The following MTMR10 variants were observed in gnomAD, a reference collection of about 807,000 sequenced individuals.
MTMR10 encodes myotubularin related protein 10.
MTMR10 carries 56 observed loss-of-function variants against 88.1 expected under a neutral mutation model. The observed-to-expected ratio is 0.64, with a 90% CI of 0.51 to 0.79. The LOEUF is 0.79. Ranked by LOEUF, MTMR10 falls within the 30% of genes least tolerant of loss-of-function variation. The pLI is 0.00. For missense variants in MTMR10, 883 were observed against 924.7 expected (o/e 0.95, Z 0.58); for synonymous variants, 380 against 340.9 (o/e 1.11, Z -1.26).
intron 6 of MTMR10, among the ~76,000 whole-genome samples, chr15:30,964,390 A>C (rs993346498): frequency 6.6e-6 from 1 of 152,240 alleles, no homozygotes; most frequent in Admixed American, 6.5e-5. Context: ...GATCTAACTT[A>C]CACAAATTTT....
chr15:30,978,701 A>G (rs1283430269), intron 2 of MTMR10, among the ~76,000 whole-genome samples: 2 of 152,200 alleles, frequency 1.3e-5, no homozygotes, highest in East Asian at 3.8e-4. Flanking sequence ...AAAGAGGTTA[A>G]ATCACTTTCC....
At chr15:30,989,505 T>C (rs967599199) in intron 2 of MTMR10, among the ~76,000 whole-genome samples, 3 of 152,164 alleles carry the variant, frequency 2.0e-5, no homozygotes, top group Non-Finnish European at 2.9e-5. Context: ...AAATTCTAAT[T>C]ATTTTACCGA....
the MTMR10 span, chr15:30,929,126 G>C: frequency 7.7e-7 from 1 of 1,292,886 alleles, no homozygotes. Context: ...TCCAAGTTTT[G>C]TATGTACTGA....
In MTMR10 at chr15:30,991,507, G is replaced by A. The variant is rs2031330415; in HGVS notation, c.-1C>T. 1 of 1,530,004 alleles carries A rather than the reference G, an allele frequency of 6.5e-7. No individual in the cohort carries two copies. The allele number at this position is 1,530,004 out of a possible 1,614,324, so 94.8% of individuals were successfully genotyped here. On this transcript the variant is annotated 5_prime_UTR_variant, in exon 1 of 16. Transcript: ENST00000435680. Reference sequence around the variant, plus strand: ...GTTTGGGCGGCTTGAGGGAGAACATGGTGCCGCCGCCTTTTCGCCCCGTTC... The same window carrying A: ...GTTTGGGCGGCTTGAGGGAGAACATAGTGCCGCCGCCTTTTCGCCCCGTTC...
intron 5 of MTMR10, among the ~76,000 whole-genome samples, chr15:30,972,522 A>G (rs937844691): frequency 2.0e-5 from 3 of 152,150 alleles, no homozygotes; most frequent in Admixed American, 6.5e-5. Flanking sequence ...TGTTTTGTGC[A>G]GACGGTTTAG....
At chr15:30,947,809 T>G (rs2063192611) in intron 13 of MTMR10, among the ~76,000 whole-genome samples, 1 of 152,092 alleles carries the variant, frequency 6.6e-6, no homozygotes. Flanking sequence ...CAAATGGCGC[T>G]CTCTGAAACA....
In MTMR10 at chr15:30,941,229, T is replaced by C. The variant is rs1301118975; in HGVS notation, c.*241A>G. ...AAATGTAGCAGACAACATGAACAGT[T>C]TGATCACGGTTACAAGAGCCAGACC... is the stretch of plus-strand genomic sequence containing the variant. On this transcript the variant is annotated 3_prime_UTR_variant, in exon 16 of 16. Coordinates refer to ENST00000435680, the MANE Select transcript of MTMR10 (RefSeq NM_017762.3). 1 of 1,414,560 alleles carries C rather than the reference T, an allele frequency of 7.1e-7. No individual in the cohort carries two copies. The highest frequency in any genetic ancestry group is 9.3e-7 in the Non-Finnish European group (1 of 1,070,894). 87.6% of individuals were successfully genotyped at this position (1,414,560 alleles called of 1,614,324 possible).
chr15:30,928,364 A>G, the MTMR10 span: 2 of 1,401,540 alleles, frequency 1.4e-6, no homozygotes, highest in East Asian at 2.7e-5. Context: ...CTCTGTATAT[A>G]AACAACATAC....
chr15:30,977,587 T>G (rs1033373942), intron 2 of MTMR10, among the ~76,000 whole-genome samples: 2 of 151,694 alleles, frequency 1.3e-5, no homozygotes, highest in African/African-American at 4.9e-5. Context: ...TACAATTTAT[T>G]TAAAGCTTGG....
the MTMR10 span, among the ~76,000 whole-genome samples, chr15:30,920,159 A>G: frequency 6.6e-6 from 1 of 152,244 alleles, no homozygotes; most frequent in African/African-American, 2.4e-5. Flanking sequence ...ATTTGTGGAC[A>G]TTGAAATTTC....
chr15:30,925,877 C>T, the MTMR10 span: 34 of 1,614,116 alleles, frequency 2.1e-5, no homozygotes, highest in African/African-American at 1.1e-4. Flanking sequence ...GACCCCACCA[C>T]GGTCCTGTGC....
rs2062969388 is a variant in MTMR10 at position 30,939,581 on chromosome 15, CTAT to C, written c.*1886_*1888del. The C allele has an allele frequency of 1.1e-6, 1 of 950,774 alleles. No homozygotes were observed. The highest frequency in any genetic ancestry group is 1.8e-5 in the African/African-American group (1 of 56,544). 58.9% of individuals were successfully genotyped at this position (950,774 alleles called of 1,614,324 possible). On this transcript the variant is annotated 3_prime_UTR_variant, in exon 16 of 16. Transcript: ENST00000435680. ...TTATCATACAAAAATATGCATTTTT[CTAT>C]TTTTAACCATTATTAATAGTACCTA...
chr15:30,967,938 T>TC lies in MTMR10; in HGVS notation c.546dup (p.Lys183GlufsTer11). 6.4e-7 allele frequency: 1 copy of TC among 1,561,348 alleles called. No individual in the cohort carries two copies. Among genetic ancestry groups the TC allele is most frequent in the Non-Finnish European group, 8.7e-7 (1 of 1,151,010 alleles). On this transcript the variant is annotated frameshift_variant, in exon 6 of 16. Transcript: ENST00000435680. LOFTEE classifies it high-confidence loss of function. ...TATTTACCTGAATTGTGGTATTTTT[T>TC]CCCAACATATTCAAATGCAAAGAGT...
At chr15:30,929,590 A>G in the MTMR10 span, among the ~76,000 whole-genome samples, 4 of 131,656 alleles carry the variant, frequency 3.0e-5, no homozygotes, top group Non-Finnish European at 4.7e-5. Context: ...TATATTATAT[A>G]TTATATATTA....
In MTMR10 at chr15:30,963,591, C is replaced by T. The variant is rs770308529; in HGVS notation, c.566-2518G>A. On this transcript the variant is annotated intron_variant, in intron 6 of 15. Transcript: ENST00000435680. ...GGCAGAGCTTGCAGTGAGCCGAGAT[C>T]GTACCAGTGCACTCCAGCCTGAGCG... 1.9e-4 allele frequency among the ~76,000 whole-genome samples: 29 copies of T among 152,122 alleles called. 1 individual carries two copies. The highest frequency in any genetic ancestry group is 1.2e-3 in the South Asian group (6 of 4,832).
intron 9 of MTMR10, among the ~76,000 whole-genome samples, chr15:30,958,237 G>T (rs2063353726): frequency 6.6e-6 from 1 of 152,228 alleles, no homozygotes; most frequent in African/African-American, 2.4e-5. Flanking sequence ...CTTAGAATCT[G>T]TGTAATGTCT....
chr15:30,947,559 A>G (rs1437583939), intron 13 of MTMR10, among the ~76,000 whole-genome samples: 1 of 152,232 alleles, frequency 6.6e-6, no homozygotes, highest in Non-Finnish European at 1.5e-5. Context: ...GCGGGTTGCC[A>G]CTATATGAAG....
the MTMR10 span, among the ~76,000 whole-genome samples, chr15:30,929,631 T>G: frequency 2.2e-4 from 27 of 123,230 alleles, no homozygotes; most frequent in South Asian, 8.7e-4. Context: ...TATTATATAT[T>G]ATACAATATA....
chr15:30,984,779 A>C (rs1228777641), intron 2 of MTMR10, among the ~76,000 whole-genome samples: 1 of 152,162 alleles, frequency 6.6e-6, no homozygotes, highest in Non-Finnish European at 1.5e-5. Flanking sequence ...GCGAACAGGG[A>C]AAGAACTGAG....
Sources: gnomAD v4.1 joint callset for allele counts (sites outside exome capture counted in the v4.1 genomes callset) on GRCh38, gnomAD v4.1.1 for gene constraint, MANE v1.5 for transcripts, NCBI Gene and HGNC (gene_info 2026-07-23, HGNC 2026-07-21) for gene names.